Variants in FGF12 observed in about 807,000 individuals in gnomAD.
FGF12 encodes fibroblast growth factor 12.
Under a neutral mutation model 23.6 loss-of-function variants are expected in FGF12, and 14 were observed. The ratio of observed to expected loss-of-function variants is 0.59; its 90% confidence interval spans 0.39 to 0.93. FGF12 has a LOEUF of 0.93. Ranked by LOEUF, FGF12 falls within the 40% of genes least tolerant of loss-of-function variation. The probability of loss-of-function intolerance (pLI) is 0.00; values close to 1 mark genes in which losing one functional copy is unlikely to be tolerated. For missense variants in FGF12, 175 were observed against 217.8 expected (o/e 0.80, Z 1.24); for synonymous variants, 62 against 77.3 (o/e 0.80, Z 1.04).
At chr3:192,467,111 C>A (rs1009509176) in intron 2 of FGF12, among the ~76,000 whole-genome samples, 1 of 152,070 alleles carries the variant, frequency 6.6e-6, no homozygotes, top group Non-Finnish European at 1.5e-5. Flanking sequence ...GAAGACGAAT[C>A]TAGAGAGGCC....
chr3:192,408,337 G>C lies in FGF12; in HGVS notation c.14-47799C>G. ...GGGAAAGGGCAGTCGCGGGGAGGCAGTGCTAAAATTTGAGGAGGCTGCAGT... is the reference window on the plus strand; with the variant it reads ...GGGAAAGGGCAGTCGCGGGGAGGCACTGCTAAAATTTGAGGAGGCTGCAGT... On this transcript the variant is annotated intron_variant, in intron 2 of 5. Transcript: ENST00000445105. The surrounding 1 kb of genome is among the most constrained non-coding windows in gnomAD (Gnocchi z 7.3). 4.2e-6 allele frequency: 6 copies of C among 1,432,330 alleles called. No homozygotes were observed. Among genetic ancestry groups the C allele is most frequent in the Non-Finnish European group, 5.5e-6 (6 of 1,097,278 alleles). 88.7% of individuals were successfully genotyped at this position (1,432,330 alleles called of 1,614,324 possible). A position where few individuals can be genotyped will look rare whatever the true frequency, so the allele number is the denominator to read the frequency against.
At chr3:192,173,663 T>C (rs1014973310) in intron 4 of FGF12, among the ~76,000 whole-genome samples, 4 of 152,182 alleles carry the variant, frequency 2.6e-5, no homozygotes, top group Admixed American at 1.3e-4. Flanking sequence ...AGTCCAATAC[T>C]AGCAAACAGT....
chr3:192,347,140 ACTCCCCAGATTATTCCAG>A (rs1718003179), intron 3 of FGF12, among the ~76,000 whole-genome samples: 1 of 152,106 alleles, frequency 6.6e-6, no homozygotes, highest in Non-Finnish European at 1.5e-5. Flanking sequence ...GTACTTTTTA[ACTCCCCAGATTATTCCAG>A]TATGCTTCAT....
chr3:192,532,301 T>G (rs943630469), intron 2 of FGF12, among the ~76,000 whole-genome samples: 2 of 152,142 alleles, frequency 1.3e-5, no homozygotes, highest in African/African-American at 2.4e-5. Flanking sequence ...CTGATGACCT[T>G]TCGATGGGGA....
intron 2 of FGF12, among the ~76,000 whole-genome samples, chr3:192,501,729 T>C (rs1212781709): frequency 6.6e-6 from 1 of 152,234 alleles, no homozygotes; most frequent in African/African-American, 2.4e-5. Context: ...ATTTCTACTC[T>C]AAACATAGCA....
intron 2 of FGF12, among the ~76,000 whole-genome samples, chr3:192,588,352 A>AC (rs2108619917): frequency 7.3e-6 from 1 of 136,214 alleles, no homozygotes; most frequent in African/African-American, 2.7e-5. Context: ...TCCGTCTCAA[A>AC]AAAAAAAAAA....
intron 2 of FGF12, among the ~76,000 whole-genome samples, chr3:192,637,351 G>C (rs187673888): frequency 2.3e-4 from 35 of 152,232 alleles, no homozygotes; most frequent in Admixed American, 1.1e-3. Context: ...ATAAGCTCTA[G>C]GAGGACAAAA....
At chr3:192,377,674 A>G (rs1719583400) in intron 2 of FGF12, among the ~76,000 whole-genome samples, 1 of 152,172 alleles carries the variant, frequency 6.6e-6, no homozygotes, top group South Asian at 2.1e-4. Flanking sequence ...TGAGTCACGA[A>G]CACATCTGCC....
intron 4 of FGF12, among the ~76,000 whole-genome samples, chr3:192,214,315 G>C (rs1718082972): frequency 6.6e-6 from 1 of 152,192 alleles, no homozygotes; most frequent in Non-Finnish European, 1.5e-5. Flanking sequence ...AGAGAACCCA[G>C]AACCAAAGCT....
chr3:192,698,538 T>C (rs1718195893), intron 2 of FGF12, among the ~76,000 whole-genome samples: 1 of 152,178 alleles, frequency 6.6e-6, no homozygotes, highest in Admixed American at 6.6e-5. Context: ...TGAGTGTTAA[T>C]ATGCGTCAGA....
At chr3:192,719,043 A>C (rs1718952634) in intron 2 of FGF12, among the ~76,000 whole-genome samples, 1 of 152,202 alleles carries the variant, frequency 6.6e-6, no homozygotes. Context: ...ATGGAATAGA[A>C]GAACGAGAAC....
intron 2 of FGF12, among the ~76,000 whole-genome samples, chr3:192,543,044 C>T (rs1725410494): frequency 1.3e-5 from 2 of 152,118 alleles, no homozygotes; most frequent in Admixed American, 1.3e-4. Flanking sequence ...TAGGGCTCTA[C>T]AATCATCAGG....
At chr3:192,571,409 T>C (rs1712628808) in intron 2 of FGF12, among the ~76,000 whole-genome samples, 1 of 152,212 alleles carries the variant, frequency 6.6e-6, no homozygotes, top group Admixed American at 6.5e-5. Context: ...ATGCCGAGGT[T>C]CAGCGCAAAA....
At chr3:192,564,752 G>T (rs1712202492) in intron 2 of FGF12, among the ~76,000 whole-genome samples, 1 of 152,194 alleles carries the variant, frequency 6.6e-6, no homozygotes, top group African/African-American at 2.4e-5. Flanking sequence ...ATTCCACTGG[G>T]TTTGGAATTT....
intron 4 of FGF12, among the ~76,000 whole-genome samples, chr3:192,320,839 A>G (rs1008680277): frequency 1.3e-5 from 2 of 152,128 alleles, no homozygotes; most frequent in African/African-American, 2.4e-5. Context: ...GCTGATAGGT[A>G]TAAGTGCCTA....
intron 4 of FGF12, among the ~76,000 whole-genome samples, chr3:192,332,448 G>A (rs927710227): frequency 6.6e-6 from 1 of 151,740 alleles, no homozygotes; most frequent in African/African-American, 2.4e-5. Flanking sequence ...AAACTATTAT[G>A]GTAAAAACAT....
At chr3:192,530,775 T>C (rs1020857913) in intron 2 of FGF12, among the ~76,000 whole-genome samples, 2 of 152,136 alleles carry the variant, frequency 1.3e-5, no homozygotes, top group Non-Finnish European at 2.9e-5. Flanking sequence ...ACCACTGAAC[T>C]GTACACATTA....
intron 2 of FGF12, among the ~76,000 whole-genome samples, chr3:192,486,899 G>A (rs966742290): frequency 1.3e-5 from 2 of 152,114 alleles, no homozygotes; most frequent in African/African-American, 4.8e-5. Flanking sequence ...GTGTTTACAA[G>A]TGTGTTTTAT....
At chr3:192,517,173 T>C (rs987295871) in intron 2 of FGF12, among the ~76,000 whole-genome samples, 4 of 152,238 alleles carry the variant, frequency 2.6e-5, no homozygotes, top group Middle Eastern at 3.2e-3. Flanking sequence ...AAAACACATA[T>C]GACCTCCTGA....
Sources: gnomAD v4.1 joint callset for allele counts (sites outside exome capture counted in the v4.1 genomes callset) on GRCh38, gnomAD v4.1.1 for gene constraint, Gnocchi (gnomAD v3.1) non-coding constraint, MANE v1.5 for transcripts, NCBI Gene and HGNC (gene_info 2026-07-23, HGNC 2026-07-21) for gene names.